Variants in STIM1 observed in about 807,000 individuals in gnomAD.
STIM1 encodes the protein stromal interaction molecule 1.
A neutral mutation model predicts 74.7 loss-of-function variants in STIM1; 25 were observed. The ratio of observed to expected loss-of-function variants is 0.33; its 90% CI spans 0.24 to 0.47. The LOEUF is 0.47. STIM1 is among the 20% of genes least tolerant of loss of function. The pLI is 1.00. For missense variants in STIM1, 728 were observed against 920.8 expected (o/e 0.79, Z 2.71); for synonymous variants, 328 against 348.8 (o/e 0.94, Z 0.66).
At chr11:4,084,823 C>G in intron 11 of STIM1, 58 bp downstream of exon 11, 1 of 1,252,918 alleles carries the variant, frequency 8.0e-7, no homozygotes, top group African/African-American at 1.5e-5. Flanking sequence ...TAAATCAACA[C>G]TCTTACCCCA....
At chr11:4,038,163 T>C (rs1251068636) in intron 3 of STIM1, among the ~76,000 whole-genome samples, 1 of 151,842 alleles carries the variant, frequency 6.6e-6, no homozygotes, top group African/African-American at 2.4e-5. Flanking sequence ...GCCTCCTGAG[T>C]AGCTGGAATA....
chr11:3,917,317 A>C (rs1188645562), intron 1 of STIM1, among the ~76,000 whole-genome samples: 1 of 152,150 alleles, frequency 6.6e-6, no homozygotes, highest in Non-Finnish European at 1.5e-5. Context: ...GATTAGTGAG[A>C]AGATCATATG....
chr11:4,000,795 A>T (rs1003928469), intron 2 of STIM1, among the ~76,000 whole-genome samples: 5 of 152,234 alleles, frequency 3.3e-5, no homozygotes, highest in African/African-American at 1.2e-4. Flanking sequence ...TCCAAGCTAC[A>T]GGAGGAAATT....
chr11:4,033,840 C>G (rs2094074904), intron 3 of STIM1, among the ~76,000 whole-genome samples: 1 of 151,834 alleles, frequency 6.6e-6, no homozygotes, highest in Admixed American at 6.6e-5. Context: ...ACCTCGTGAT[C>G]TGCCCGCCTC....
At chr11:3,884,605 A>T (rs567196623) in intron 1 of STIM1, among the ~76,000 whole-genome samples, 2 of 152,224 alleles carry the variant, frequency 1.3e-5, no homozygotes, top group Admixed American at 1.3e-4. Context: ...GCCCTCCAGG[A>T]GGTAGACTGT....
chr11:4,041,452 T>A (rs1290428362), intron 3 of STIM1, among the ~76,000 whole-genome samples: 6 of 152,100 alleles, frequency 3.9e-5, no homozygotes, highest in Admixed American at 3.9e-4. Flanking sequence ...AGCTTCCCTT[T>A]ACTACATTTT....
intron 1 of STIM1, among the ~76,000 whole-genome samples, chr11:3,936,764 G>T (rs937521605): frequency 6.6e-6 from 1 of 152,162 alleles, no homozygotes; most frequent in Admixed American, 6.6e-5. Flanking sequence ...TTTGAGGAGA[G>T]GTTGAAGGAG....
At chr11:4,086,890 C>T (rs2094497223) in intron 12 of STIM1, 9 of 1,514,974 alleles carry the variant, frequency 5.9e-6, no homozygotes, top group Non-Finnish European at 7.9e-6. Context: ...TTCTTTCTTC[C>T]CTTCCTTCCC....
chr11:3,887,242 A>T (rs572607005), intron 1 of STIM1, among the ~76,000 whole-genome samples: 1 of 152,314 alleles, frequency 6.6e-6, no homozygotes, highest in South Asian at 2.1e-4. Flanking sequence ...AGCAGGATAC[A>T]TTCTTGTCCT....
intron 2 of STIM1, among the ~76,000 whole-genome samples, chr11:4,010,172 AT>A (rs34152151): frequency 0.039 from 5,582 of 142,144 alleles, 233 homozygotes; most frequent in East Asian, 0.19. Context: ...AAATTTTCTG[AT>A]TTTTTTTTTT....
intron 1 of STIM1, 109 bp downstream of exon 1, chr11:3,856,518 A>T (rs1590494295): frequency 2.9e-6 from 4 of 1,360,662 alleles, no homozygotes; most frequent in Admixed American, 2.3e-5. Context: ...TTCATGGAGG[A>T]TTCACACATG....
At chr11:4,049,172 T>C (rs2094217543) in intron 3 of STIM1, among the ~76,000 whole-genome samples, 1 of 152,204 alleles carries the variant, frequency 6.6e-6, no homozygotes, top group East Asian at 1.9e-4. Flanking sequence ...ATTCAGTTGT[T>C]TCAGTTAGAG....
chr11:3,934,735 T>G (rs544139469), intron 1 of STIM1, among the ~76,000 whole-genome samples: 1 of 152,348 alleles, frequency 6.6e-6, no homozygotes, highest in Non-Finnish European at 1.5e-5. Context: ...CTTCCATAAT[T>G]CACTGTTTTG....
chr11:3,863,510 G>A (rs1411914643), intron 1 of STIM1, among the ~76,000 whole-genome samples: 1 of 151,362 alleles, frequency 6.6e-6, no homozygotes, highest in Admixed American at 6.6e-5. Flanking sequence ...TTCCCAGCTT[G>A]GCTTCCCAAA....
intron 12 of STIM1, among the ~76,000 whole-genome samples, chr11:4,089,631 CT>C (rs2094512028): frequency 6.6e-6 from 1 of 152,202 alleles, no homozygotes; most frequent in African/African-American, 2.4e-5. Flanking sequence ...CTGCTGCCTG[CT>C]GAGTCCAGGA....
At chr11:4,016,512 C>A (rs2093898590) in intron 2 of STIM1, among the ~76,000 whole-genome samples, 1 of 152,180 alleles carries the variant, frequency 6.6e-6, no homozygotes, top group Non-Finnish European at 1.5e-5. Context: ...TGTCAGGGAC[C>A]CACTTGAGGA....
intron 1 of STIM1, among the ~76,000 whole-genome samples, chr11:3,907,961 A>C (rs754205058): frequency 2.0e-5 from 3 of 152,184 alleles, no homozygotes; most frequent in Non-Finnish European, 2.9e-5. Context: ...TTATCCAATC[A>C]TTCTATTTAA....
At chr11:3,875,563 A>C (rs1590515672) in intron 1 of STIM1, among the ~76,000 whole-genome samples, 1 of 151,856 alleles carries the variant, frequency 6.6e-6, no homozygotes, top group Non-Finnish European at 1.5e-5. Context: ...CTGTCTCTAC[A>C]AAAAATACAA....
At chr11:3,988,345 A>AT (rs1472253512) in intron 2 of STIM1, among the ~76,000 whole-genome samples, 1 of 151,950 alleles carries the variant, frequency 6.6e-6, no homozygotes, top group Non-Finnish European at 1.5e-5. Flanking sequence ...TGATTTTTAC[A>AT]TTTTTTTCTT....
Sources: gnomAD v4.1 joint callset for allele counts (sites outside exome capture counted in the v4.1 genomes callset) on GRCh38, gnomAD v4.1.1 for gene constraint, MANE v1.5 for transcripts, NCBI Gene and HGNC (gene_info 2026-07-23, HGNC 2026-07-21) for gene names.